The following SUMF1 variants were observed in gnomAD, a reference collection of about 807,000 sequenced individuals.
The protein encoded by SUMF1 is sulfatase modifying factor 1, also known as formylglycine-generating enzyme.
SUMF1 carries 48 observed loss-of-function variants against 47.6 expected under a neutral mutation model. That is an observed-to-expected ratio of 1.01 (90% CI 0.80 to 1.28). The LOEUF is 1.28. Among genes scored for constraint, SUMF1 ranks in the 50% most tolerant of loss-of-function variants. The pLI is 0.00. For synonymous variants in SUMF1, 230 were observed against 192.1 expected, an observed-to-expected ratio of 1.20 and a Z score of -1.63; for missense variants, 571 against 485.4, an observed-to-expected ratio of 1.18 and a Z score of -1.66.
rs1055066661 is a variant in SUMF1, at chr3:4,446,636, A to G, written c.519+2630T>C. Among the ~76,000 whole-genome samples the G allele has an allele frequency of 3.3e-5, 5 of 152,306 alleles. No homozygotes were observed. In the East Asian group the frequency reaches 7.7e-4, roughly 24 times the overall value. On this transcript the variant is annotated intron_variant, in intron 3 of 8. Coordinates refer to ENST00000272902, the MANE Select transcript of SUMF1 (RefSeq NM_182760.4). Reference sequence around the variant, plus strand: ...TGCCTCATGGGGAAAGAACCCACCAATTATCTGATGTCTTACTGTAGGGTT... The same window carrying G: ...TGCCTCATGGGGAAAGAACCCACCAGTTATCTGATGTCTTACTGTAGGGTT...
chr3:4,434,684 A>G lies in SUMF1; in HGVS notation c.520-14538T>C, dbSNP rs994951284. 2.6e-5 allele frequency among the ~76,000 whole-genome samples: 4 copies of G among 152,338 alleles called. No homozygotes were observed. The South Asian group carries it at 6.2e-4, about 24-fold the overall frequency. On this transcript the variant is annotated intron_variant, in intron 3 of 8. Coordinates refer to ENST00000272902, the MANE Select transcript of SUMF1 (RefSeq NM_182760.4). ...AGAGATTGATTAAAACAAGTAAAAT[A>G]CTAGTGAATAAAAAACTACAATGTT...
chr3:4,248,989 C>T (rs889447005), intron 8 of SUMF1, among the ~76,000 whole-genome samples: 2 of 152,172 alleles, frequency 1.3e-5, no homozygotes, highest in Non-Finnish European at 2.9e-5. Context: ...GCATGTGCAT[C>T]TGCATGATCT....
intron 8 of SUMF1, among the ~76,000 whole-genome samples, chr3:4,262,597 A>G (rs1697110403): frequency 6.6e-6 from 1 of 152,174 alleles, no homozygotes; most frequent in Admixed American, 6.5e-5. Flanking sequence ...CCCAAGACAT[A>G]GCACAATGGC....
At chr3:4,445,414 T>C (rs1474771140) in intron 3 of SUMF1, among the ~76,000 whole-genome samples, 1 of 152,194 alleles carries the variant, frequency 6.6e-6, no homozygotes, top group African/African-American at 2.4e-5. Context: ...CACAGCTCAC[T>C]GAAACCTCGA....
chr3:4,145,407 G>A (rs1405491645), intron 8 of SUMF1, among the ~76,000 whole-genome samples: 1 of 151,914 alleles, frequency 6.6e-6, no homozygotes, highest in Non-Finnish European at 1.5e-5. Context: ...TTACTTTGTG[G>A]GAAAGATCTC....
intron 8 of SUMF1, among the ~76,000 whole-genome samples, chr3:4,338,388 T>C (rs1051936233): frequency 6.6e-6 from 1 of 152,198 alleles, no homozygotes; most frequent in African/African-American, 2.4e-5. Context: ...TCTCAGCAGT[T>C]CTTAAAATAA....
intron 8 of SUMF1, among the ~76,000 whole-genome samples, chr3:4,290,632 A>T (rs1037084297): frequency 6.6e-6 from 1 of 152,152 alleles, no homozygotes; most frequent in Non-Finnish European, 1.5e-5. Flanking sequence ...TACAGTTTAA[A>T]TGTCCCCCTC....
intron 8 of SUMF1, among the ~76,000 whole-genome samples, chr3:4,221,554 A>G (rs1226153670): frequency 6.6e-6 from 1 of 152,028 alleles, no homozygotes; most frequent in Non-Finnish European, 1.5e-5. Flanking sequence ...CAGTGATTAG[A>G]CAACATTCTT....
chr3:4,055,178 AC>A (rs1486873105), intron 9 of SUMF1, among the ~76,000 whole-genome samples: 51 of 152,316 alleles, frequency 3.3e-4, no homozygotes, highest in African/African-American at 1.2e-3. Flanking sequence ...GTTGAAAAGT[AC>A]TATGGTACAA....
chr3:4,136,893 A>G (rs980818763), intron 8 of SUMF1, among the ~76,000 whole-genome samples: 3 of 152,176 alleles, frequency 2.0e-5, no homozygotes, highest in Non-Finnish European at 2.9e-5. Flanking sequence ...ACTGGCCATC[A>G]GAGAAATGCA....
intron 8 of SUMF1, among the ~76,000 whole-genome samples, chr3:4,372,414 T>G (rs1007402849): frequency 1.6e-4 from 25 of 152,126 alleles, no homozygotes; most frequent in South Asian, 2.1e-4. Flanking sequence ...TATTCTTTCT[T>G]TTTATTGATT....
chr3:4,260,821 T>C (rs1697069965), intron 8 of SUMF1, among the ~76,000 whole-genome samples: 2 of 152,048 alleles, frequency 1.3e-5, no homozygotes, highest in Non-Finnish European at 2.9e-5. Context: ...CAACCCTCCA[T>C]ATGTGCGTGT....
At chr3:4,058,488 C>A (rs1385860726) in intron 9 of SUMF1, among the ~76,000 whole-genome samples, 1 of 151,840 alleles carries the variant, frequency 6.6e-6, no homozygotes, top group East Asian at 1.9e-4. Flanking sequence ...AGGAAGGTGC[C>A]TAGATTAAGG....
chr3:4,256,064 C>T (rs1377569664), intron 8 of SUMF1, among the ~76,000 whole-genome samples: 1 of 149,760 alleles, frequency 6.7e-6, no homozygotes, highest in African/African-American at 2.5e-5. Flanking sequence ...TCTTTGAAAC[C>T]AATGAGAACA....
At chr3:4,161,366 G>A (rs1446860240) in intron 8 of SUMF1, among the ~76,000 whole-genome samples, 1 of 152,126 alleles carries the variant, frequency 6.6e-6, no homozygotes, top group Non-Finnish European at 1.5e-5. Context: ...AGCCAGCAAG[G>A]CTTGTGTCCT....
chr3:4,349,333 A>T (rs1699438669), intron 8 of SUMF1, among the ~76,000 whole-genome samples: 1 of 152,168 alleles, frequency 6.6e-6, no homozygotes, highest in Non-Finnish European at 1.5e-5. Context: ...ATCAAGAAAC[A>T]ATAGAGGCTA....
At chr3:4,108,279 T>C (rs1693204571) in intron 8 of SUMF1, among the ~76,000 whole-genome samples, 2 of 152,164 alleles carry the variant, frequency 1.3e-5, no homozygotes, top group Non-Finnish European at 1.5e-5. Flanking sequence ...GACTGAGCTG[T>C]GGTCTGAGAG....
At chr3:4,154,183 G>A (rs1470241785) in intron 8 of SUMF1, among the ~76,000 whole-genome samples, 1 of 151,436 alleles carries the variant, frequency 6.6e-6, no homozygotes, top group African/African-American at 2.5e-5. Flanking sequence ...CAGGAAGTGG[G>A]GCAGAGCTAC....
At chr3:4,432,951 A>C (rs1702282984) in intron 3 of SUMF1, among the ~76,000 whole-genome samples, 1 of 152,192 alleles carries the variant, frequency 6.6e-6, no homozygotes, top group South Asian at 2.1e-4. Flanking sequence ...CCTCTTCCGC[A>C]TAAACATCAA....
Sources: gnomAD v4.1 joint callset for allele counts (sites outside exome capture counted in the v4.1 genomes callset) on GRCh38, gnomAD v4.1.1 for gene constraint, MANE v1.5 for transcripts, NCBI Gene and HGNC (gene_info 2026-07-23, HGNC 2026-07-21) for gene names.